The following LARS1 variants were observed in gnomAD, a reference collection of about 807,000 sequenced individuals.
The protein encoded by LARS1 is leucine--tRNA ligase, cytoplasmic.
A neutral mutation model predicts 162.8 loss-of-function variants in LARS1; 100 were observed. The observed-to-expected ratio is 0.61, with a 90% confidence interval of 0.52 to 0.73. The LOEUF (loss-of-function observed/expected upper bound fraction) is 0.73. LARS1 is among the 30% of genes least tolerant of loss of function. The probability of loss-of-function intolerance (pLI) is 0.00; values close to 1 mark genes in which losing one functional copy is unlikely to be tolerated. For missense variants in LARS1, 1,258 were observed against 1,408.9 expected (o/e 0.89, Z 1.71); for synonymous variants, 457 against 462.8 (o/e 0.99, Z 0.16).
intron 31 of LARS1, among the ~76,000 whole-genome samples, chr5:146,119,527 G>GA (rs1241559842): frequency 6.6e-6 from 1 of 151,928 alleles, no homozygotes; most frequent in East Asian, 1.9e-4. Context: ...CTATCAAAAA[G>GA]AAAAAAGACA....
At position 146,124,099 on chromosome 5, in the gene LARS1, A is replaced by G. The variant is rs1751947206; in HGVS notation, c.2992-13T>C. 6.5e-7 allele frequency: 1 copy of G among 1,528,976 alleles called. No individual in the cohort carries two copies. Among genetic ancestry groups the G allele is most frequent in the South Asian group, 1.1e-5 (1 of 89,310 alleles). 94.7% of individuals were successfully genotyped at this position (1,528,976 alleles called of 1,614,324 possible). A position where few individuals can be genotyped will look rare whatever the true frequency, so the allele number is the denominator to read the frequency against. Reference sequence around the variant, plus strand: ...TCTCCAGATTTTCCTAATAGCCAAAATGGTATGGAAAAACAAAATCACAGT... The same window carrying G: ...TCTCCAGATTTTCCTAATAGCCAAAGTGGTATGGAAAAACAAAATCACAGT... On this transcript the variant is annotated splice_polypyrimidine_tract_variant and intron_variant, in intron 28 of 31. Transcript: ENST00000394434.
intron 22 of LARS1, 87 bp downstream of exon 22, chr5:146,135,514 G>T: frequency 1.0e-6 from 1 of 992,492 alleles, no homozygotes; most frequent in Non-Finnish European, 1.5e-6. Context: ...AAAACAGAAA[G>T]TAAAATTAAA....
At chr5:146,160,201 A>C (rs1291496665) in intron 7 of LARS1, among the ~76,000 whole-genome samples, 173 bp downstream of exon 7, 4 of 147,986 alleles carry the variant, frequency 2.7e-5, no homozygotes, top group Non-Finnish European at 4.5e-5. Context: ...TGCCTGGCTA[A>C]TTTTTTTTTT....
intron 31 of LARS1, among the ~76,000 whole-genome samples, chr5:146,117,941 A>G (rs1751632646): frequency 6.6e-6 from 1 of 152,244 alleles, no homozygotes; most frequent in African/African-American, 2.4e-5. Context: ...ACTATAAAAA[A>G]CAGTATCGAG....
chr5:146,176,154 AAAAG>A (rs1043266521), intron 2 of LARS1, among the ~76,000 whole-genome samples: 8 of 152,074 alleles, frequency 5.3e-5, no homozygotes, highest in East Asian at 3.9e-4. Flanking sequence ...TTTGTCTAAA[AAAAG>A]AAAGAAAGAA....
At chr5:146,148,832 T>C (rs553589111) in intron 15 of LARS1, among the ~76,000 whole-genome samples, 1 of 152,166 alleles carries the variant, frequency 6.6e-6, no homozygotes, top group Admixed American at 6.5e-5. Flanking sequence ...TCCCAGCACT[T>C]TGGGAGGCCA....
At chr5:146,179,075 T>C (rs906342282) in intron 1 of LARS1, among the ~76,000 whole-genome samples, 4 of 152,020 alleles carry the variant, frequency 2.6e-5, no homozygotes, top group Non-Finnish European at 5.9e-5. Flanking sequence ...CTACTAAAAA[T>C]ACAAAAATTA....
chr5:146,132,844 T>C (rs905226547), intron 23 of LARS1, 54 bp downstream of exon 23: 1 of 1,322,838 alleles, frequency 7.6e-7, no homozygotes, highest in Non-Finnish European at 1.0e-6. Flanking sequence ...AAAACAAAAA[T>C]GCACCAGGAC....
intron 22 of LARS1, among the ~76,000 whole-genome samples, chr5:146,135,029 A>G (rs908904181): frequency 2.6e-5 from 4 of 151,982 alleles, no homozygotes; most frequent in Admixed American, 2.6e-4. Context: ...TTTTTGAGAC[A>G]GAGTTTCACT....
chr5:146,175,827 C>CAA (rs1235255122), intron 2 of LARS1, among the ~76,000 whole-genome samples: 4 of 116,960 alleles, frequency 3.4e-5, no homozygotes, highest in Admixed American at 8.9e-5. Context: ...GACTCCGTCT[C>CAA]AAAAAAAAAA....
intron 27 of LARS1, 46 bp from the exon 28 acceptor site, chr5:146,126,591 A>G: frequency 7.8e-7 from 1 of 1,278,562 alleles, no homozygotes; most frequent in Admixed American, 1.7e-5. Context: ...AAAAGTCTCA[A>G]GAATAAGGCA....
At position 146,154,504 on chromosome 5, in the gene LARS1, G is replaced by A. The variant is rs371067677; in HGVS notation, c.1066-524C>T. Reference sequence around the variant, plus strand: ...ATTAAAAAATGAATACAGGCTGAGCGCGGTGGCTAACGCCTGTAAACCCAG... The same window carrying A: ...ATTAAAAAATGAATACAGGCTGAGCACGGTGGCTAACGCCTGTAAACCCAG... On this transcript the variant is annotated intron_variant, in intron 10 of 31. Transcript: ENST00000394434. 3.9e-4 allele frequency among the ~76,000 whole-genome samples: 59 copies of A among 152,286 alleles called. No homozygotes were observed. In the South Asian group the frequency reaches 0.011, roughly 29 times the overall value.
intron 6 of LARS1, among the ~76,000 whole-genome samples, chr5:146,162,278 C>G (rs115818008): frequency 1.8e-4 from 27 of 152,310 alleles, no homozygotes; most frequent in African/African-American, 6.5e-4. Context: ...AGAAGACCTA[C>G]AAGTCAAATG....
intron 4 of LARS1, among the ~76,000 whole-genome samples, chr5:146,171,227 G>T (rs937442836): frequency 1.1e-4 from 17 of 151,856 alleles, no homozygotes; most frequent in African/African-American, 2.4e-5. Flanking sequence ...TGTGGTGGCG[G>T]GTGCCTGTAA....
At chr5:146,147,598 AG>A (rs1280128960) in intron 15 of LARS1, among the ~76,000 whole-genome samples, 3 of 152,226 alleles carry the variant, frequency 2.0e-5, no homozygotes, top group African/African-American at 7.2e-5. Flanking sequence ...ACACACAAAT[AG>A]TAAATAAAAG....
At chr5:146,161,863 A>C (rs1047032253) in intron 6 of LARS1, among the ~76,000 whole-genome samples, 2 of 152,094 alleles carry the variant, frequency 1.3e-5, no homozygotes, top group East Asian at 3.8e-4. Context: ...TGTTCACTGC[A>C]CCTTTACCAG....
In LARS1 at chr5:146,115,040, C is replaced by T. The variant is rs1215771040; in HGVS notation, c.3326-729G>A. ...GCCTGGCAACAGAGCAAGATTCTGT[C>T]GGGGGGAAAAAAAAAAAAAAAAAAA... On this transcript the variant is annotated intron_variant, in intron 31 of 31. Transcript: ENST00000394434. 5.5e-5 allele frequency among the ~76,000 whole-genome samples: 5 copies of T among 90,094 alleles called. 1 individual carries two copies. In the East Asian group the frequency reaches 1.3e-3, roughly 24 times the overall value. The allele number at this position is 90,094 out of a possible 152,430, so 59.1% of individuals were successfully genotyped here.
intron 24 of LARS1, 73 bp from the exon 25 acceptor site, chr5:146,130,231 T>A (rs1752222241): frequency 2.1e-6 from 3 of 1,446,232 alleles, no homozygotes; most frequent in Middle Eastern, 3.5e-4. Context: ...AATTGCAGTA[T>A]CTTGGTTTTA....
Position 146,157,779 on chromosome 5 carries a change from T to G in LARS1, c.788A>C (p.Glu263Ala). 2 of 1,614,058 alleles carry G rather than the reference T, an allele frequency of 1.2e-6. No individual in the cohort carries two copies. The highest frequency in any genetic ancestry group is 1.7e-4 in the Middle Eastern group (1 of 6,020). The part of the protein sequence containing the change: ...RQTGEGVGPQ[E>A]YTLLKLKVLE... The stretch of plus-strand genomic sequence containing the variant: ...CACCTTCAATTTGAGTAAAGTATAT[T>G]CCTGAGGTCCAACACCCTAAGCAAA... The change falls in exon 9 of 32, where the codon GAA becomes GCA. Residue 263 changes from glutamate to alanine, a missense_variant. Physicochemically the swap from Glu to Ala is moderately radical, Grantham distance 107. Coordinates refer to ENST00000394434, the MANE Select transcript of LARS1 (RefSeq NM_020117.11).
Sources: gnomAD v4.1 joint callset for allele counts (sites outside exome capture counted in the v4.1 genomes callset) on GRCh38, gnomAD v4.1.1 for gene constraint, MANE v1.5 for transcripts, NCBI Gene and HGNC (gene_info 2026-07-23, HGNC 2026-07-21) for gene names.